The following RASAL3 variants were observed in gnomAD, a reference collection of about 807,000 sequenced individuals.
The protein encoded by RASAL3 is RAS protein activator like-3.
A neutral mutation model predicts 105.5 loss-of-function variants in RASAL3; 74 were observed. The ratio of observed to expected loss-of-function variants is 0.70; its 90% confidence interval spans 0.58 to 0.85. The LOEUF (loss-of-function observed/expected upper bound fraction) is 0.85. Ranked by LOEUF, RASAL3 falls within the 40% of genes least tolerant of loss-of-function variation. The probability of loss-of-function intolerance (pLI) is 0.00; values close to 1 mark genes in which losing one functional copy is unlikely to be tolerated. For missense variants in RASAL3, 1,352 were observed against 1,392.0 expected, an observed-to-expected ratio of 0.97 and a Z score of 0.46; for synonymous variants, 579 against 591.6, an observed-to-expected ratio of 0.98 and a Z score of 0.31.
chr19:15,462,055 T>TA (rs1346026425), intron 2 of RASAL3, among the ~76,000 whole-genome samples: 1 of 152,076 alleles, frequency 6.6e-6, no homozygotes, highest in Admixed American at 6.6e-5. Flanking sequence ...TCCAAGAGGT[T>TA]AAAAAACAGG....
intron 2 of RASAL3, among the ~76,000 whole-genome samples, chr19:15,463,102 T>C (rs974524038): frequency 4.4e-4 from 67 of 151,190 alleles, no homozygotes; most frequent in African/African-American, 1.6e-3. Flanking sequence ...TTTTCTTCCA[T>C]TGAGATGGAG....
rs779795833 is a variant in RASAL3 at position 15,461,295 on chromosome 19, C to G, written c.467G>C (p.Gly156Ala). 3.1e-6 allele frequency: 5 copies of G among 1,612,940 alleles called. No individual in the cohort carries two copies. The East Asian group carries it at 1.1e-4, about 36-fold the overall frequency. ...KLVLLGGEEE[G>A]PRRPRVGSAS... ...ACTTCCCACCCGGGGCCTTCGAGGA[C>G]CCTGTTCTCCCGCAGGAGTGGGTAG... is the stretch of plus-strand genomic sequence containing the variant. Residue 156 changes from glycine to alanine, a missense_variant and splice_region_variant, in exon 4 of 18, where the codon GGT (glycine) becomes GCT (alanine). By Grantham distance (60) the Gly-to-Ala change is moderately conservative. Transcript: ENST00000343625.
chr19:15,457,145 G>A lies in RASAL3; in HGVS notation c.1431+147C>T, dbSNP rs1238265053. The A allele has an allele frequency of 1.5e-6, 1 of 668,600 alleles. No individual in the cohort carries two copies. The highest frequency in any genetic ancestry group is 2.1e-6 in the Non-Finnish European group (1 of 469,274). 41.4% of individuals were successfully genotyped at this position (668,600 alleles called of 1,614,324 possible). A position where few individuals can be genotyped will look rare whatever the true frequency, so the allele number is the denominator to read the frequency against. ...CCTTCTAGGTGCCCCGCCGCTTACA[G>A]GTGACACTTGGACCACGCCCCTCAC... On this transcript the variant is annotated intron_variant, in intron 9 of 17. Transcript: ENST00000343625. This position sits in a 1 kb window ranked among gnomAD's most constrained non-coding sequence, Gnocchi z 8.6.
chr19:15,456,974 A>C lies in RASAL3; in HGVS notation c.1431+318T>G, dbSNP rs1471952498. On this transcript the variant is annotated intron_variant, in intron 9 of 17. Transcript: ENST00000343625. The surrounding 1 kb of genome is among the most constrained non-coding windows in gnomAD (Gnocchi z 4.4). ...ATTAGGCCCCGCCCCTCACAGCTGA[A>C]GCTCAGGCCCAGTCCTTCAAGGTGC... is the stretch of plus-strand genomic sequence containing the variant. 7 of 458,984 alleles carry C rather than the reference A, an allele frequency of 1.5e-5. No individual in the cohort carries two copies. Among genetic ancestry groups the C allele is most frequent in the East Asian group, 1.1e-4 (3 of 26,390 alleles). 28.4% of individuals were successfully genotyped at this position (458,984 alleles called of 1,614,324 possible).
At position 15,461,551 on chromosome 19, in the gene RASAL3, TG is replaced by T; in HGVS notation, c.384del (p.Thr129HisfsTer80). 2.0e-6 allele frequency: 3 copies of T among 1,535,396 alleles called. No homozygotes were observed. The highest frequency in any genetic ancestry group is 2.6e-6 in the Non-Finnish European group (3 of 1,145,262). ...ATGTCCCAGACAGGCACGTTGGGTGTGGGGGCCTCAGGGATCTGTGGGGTAG... is the reference window on the plus strand; with the variant it reads ...ATGTCCCAGACAGGCACGTTGGGTGTGGGGCCTCAGGGATCTGTGGGGTAG... ...EPPTPQIPEA[P>X]TPNVPVWDIG... is the part of the protein sequence containing the mutation. On this transcript the variant is annotated frameshift_variant, in exon 3 of 18. Coordinates refer to ENST00000343625, the MANE Select transcript of RASAL3 (RefSeq NM_022904.3). LOFTEE classifies it high-confidence loss of function.
rs148980344 is a variant in RASAL3, at chr19:15,457,227, C to G, written c.1431+65G>C. ...GCAACTCAGGTCCTGCGCCCCAACTCCTGCCCGAAGCGCGTTATCGGTCTA... is the reference window on the plus strand; with the variant it reads ...GCAACTCAGGTCCTGCGCCCCAACTGCTGCCCGAAGCGCGTTATCGGTCTA... On this transcript the variant is annotated intron_variant, in intron 9 of 17. Transcript: ENST00000343625. This position sits in a 1 kb window ranked among gnomAD's most constrained non-coding sequence, Gnocchi z 8.6. The G allele has an allele frequency of 8.3e-7, 1 of 1,211,280 alleles. No homozygotes were observed. 75.0% of individuals were successfully genotyped at this position (1,211,280 alleles called of 1,614,324 possible). A position where few individuals can be genotyped will look rare whatever the true frequency, so the allele number is the denominator to read the frequency against.
chr19:15,452,714 C>T lies in RASAL3; in HGVS notation c.2772G>A (p.Glu924=). The T allele has an allele frequency of 6.4e-7, 1 of 1,554,468 alleles. No homozygotes were observed. Among genetic ancestry groups the T allele is most frequent in the Non-Finnish European group, 8.7e-7 (1 of 1,148,792 alleles). The change falls in exon 16 of 18, where the codon GAG becomes GAA. Residue 924 remains glutamate (E), a synonymous_variant. Coordinates refer to ENST00000343625, the MANE Select transcript of RASAL3 (RefSeq NM_022904.3). ...GCTGGCCCCGCAGCTGCTCCTGCTG[C>T]TCCGTCAAGGCCCGGATTTGGGTGC... ...SLSTQIRALT[E]QQEQLRGQLQ...
chr19:15,456,041 C>A lies in RASAL3; in HGVS notation c.1721+63G>T, dbSNP rs1970304156. On this transcript the variant is annotated intron_variant, in intron 11 of 17. Transcript: ENST00000343625. This position sits in a 1 kb window ranked among gnomAD's most constrained non-coding sequence, Gnocchi z 4.4. Reference sequence around the variant, plus strand: ...CTGTATTTTATCTGGCCACCCTAAACTGGAGGTCGGGGCTAGCATGGTAAG... The same window carrying A: ...CTGTATTTTATCTGGCCACCCTAAAATGGAGGTCGGGGCTAGCATGGTAAG... 1.9e-6 allele frequency: 3 copies of A among 1,565,988 alleles called. No homozygotes were observed. Among genetic ancestry groups the A allele is most frequent in the Non-Finnish European group, 2.6e-6 (3 of 1,148,120 alleles).
At chr19:15,452,237 G>A (rs1970173985) in intron 16 of RASAL3, 129 bp from the exon 17 acceptor site, 4 of 862,660 alleles carry the variant, frequency 4.6e-6, no homozygotes, top group Admixed American at 3.7e-5. Context: ...ACTGAGGGGC[G>A]GGGCCTAAAT....
Position 15,458,360 on chromosome 19 carries a change from C to G in RASAL3, c.856G>C (p.Glu286Gln). 1 of 1,613,824 alleles carries G rather than the reference C, an allele frequency of 6.2e-7. No homozygotes were observed. The highest frequency in any genetic ancestry group is 2.2e-5 in the East Asian group (1 of 44,870). ...GGCTGGAATTGGCGACGAAGGTCCT[C>G]GATCCAGCGGTCTCTCTCAGCGGCC... Reference protein sequence around the residue: ...RSAAERDRWIEDLRRQFQPTQ... With the variant: ...RSAAERDRWIQDLRRQFQPTQ... The change falls in exon 8 of 18, where the codon GAG (glutamate) becomes CAG (glutamine). Residue 286 changes from glutamate (E) to glutamine (Q), a missense_variant. Around this residue, in one of 3 missense-constraint regions of RASAL3, gnomAD observed 88 missense variants for 132.7 expected, o/e 0.66. Transcript: ENST00000343625.
chr19:15,452,961 C>T, intron 15 of RASAL3, 146 bp from the exon 16 acceptor site: 1 of 1,472,746 alleles, frequency 6.8e-7, no homozygotes, highest in Non-Finnish European at 9.2e-7. Context: ...GCTGGGGAGA[C>T]TGAAGCTCAG....
Position 15,453,502 on chromosome 19 carries a change from G to A in RASAL3, c.2280-5C>T, listed in dbSNP as rs1365796539. On this transcript the variant is annotated splice_polypyrimidine_tract_variant and splice_region_variant and intron_variant, in intron 14 of 17. Transcript: ENST00000343625. The surrounding 1 kb of genome is among the most constrained non-coding windows in gnomAD (Gnocchi z 4.2). ...GGCTTCTCCCCTGCGGAGAGGCTAG[G>A]GGTGGGATGGAGGATCTTAGACCCT... 3 of 1,518,028 alleles carry A rather than the reference G, an allele frequency of 2.0e-6. No homozygotes were observed. Among genetic ancestry groups the A allele is most frequent in the African/African-American group, 1.4e-5 (1 of 69,224 alleles). 94.0% of individuals were successfully genotyped at this position (1,518,028 alleles called of 1,614,324 possible).
At position 15,453,412 on chromosome 19, in the gene RASAL3, G is replaced by T; in HGVS notation, c.2365C>A (p.Arg789Ser). The change falls in exon 15 of 18, where the codon CGC becomes AGC. Residue 789 changes from arginine (R) to serine (S), a missense_variant. Physicochemically the swap from Arg to Ser is moderately radical, Grantham distance 110. Transcript: ENST00000343625. The surrounding 1 kb of genome is among the most constrained non-coding windows in gnomAD (Gnocchi z 4.2). ...CAACTCTCTGAGCGGCGAACGCTGC[G>T]CAGAGACTGGCTCTTGGAGATGAGA... is the stretch of plus-strand genomic sequence containing the variant. ...TPLISKSQSLRSVRRSESWAR... is the reference protein window; with the variant it reads ...TPLISKSQSLSSVRRSESWAR... The T allele has an allele frequency of 6.6e-7, 1 of 1,518,276 alleles. No homozygotes were observed. Among genetic ancestry groups the T allele is most frequent in the Non-Finnish European group, 8.7e-7 (1 of 1,144,508 alleles). The allele number at this position is 1,518,276 out of a possible 1,614,324, so 94.1% of individuals were successfully genotyped here. A position where few individuals can be genotyped will look rare whatever the true frequency, so the allele number is the denominator to read the frequency against.
chr19:15,454,755 G>A lies in RASAL3; in HGVS notation c.1860C>T (p.Pro620=). The change falls in exon 12 of 18, where the codon CCC becomes CCT. Residue 620 remains proline (P), a synonymous_variant. Coordinates refer to ENST00000343625, the MANE Select transcript of RASAL3 (RefSeq NM_022904.3). The part of the protein sequence containing the change: ...LRLLCPAILA[P]SLFGLAPDHP... ...GGTCTGGTGCCAAACCAAAGAGGCT[G>A]GGTGCCAGGATGGCAGGGCACAGGA... The A allele has an allele frequency of 1.9e-6, 3 of 1,607,070 alleles. No homozygotes were observed. Among genetic ancestry groups the A allele is most frequent in the Non-Finnish European group, 2.5e-6 (3 of 1,176,950 alleles).
Position 15,461,356 on chromosome 19 carries a change from A to T in RASAL3, c.466-60T>A, listed in dbSNP as rs561832737. The T allele has an allele frequency of 6.4e-6, 10 of 1,554,540 alleles. No individual in the cohort carries two copies. In the East Asian group the frequency reaches 2.3e-4, roughly 36 times the overall value. ...GAGGCAGGCAGGCAGGCAGGCAGGC[A>T]GACCGAGGGAGAGGCAGACACCTTC... On this transcript the variant is annotated intron_variant, in intron 3 of 17. Coordinates refer to ENST00000343625, the MANE Select transcript of RASAL3 (RefSeq NM_022904.3).
In RASAL3 at chr19:15,457,433, C is replaced by G; in HGVS notation, c.1290G>C (p.Glu430Asp). 8.4e-6 allele frequency: 12 copies of G among 1,431,036 alleles called. No individual in the cohort carries two copies. Among genetic ancestry groups the G allele is most frequent in the Non-Finnish European group, 1.1e-5 (12 of 1,094,400 alleles). 88.6% of individuals were successfully genotyped at this position (1,431,036 alleles called of 1,614,324 possible). Residue 430 changes from glutamate (E) to aspartate (D), a missense_variant, in exon 9 of 18, where the codon GAG becomes GAC. By Grantham distance (45) the Glu-to-Asp change is conservative. Transcript: ENST00000343625. The surrounding 1 kb of genome is among the most constrained non-coding windows in gnomAD (Gnocchi z 8.6). Reference protein sequence around the residue: ...RARRLRVLPSERYKELAEFLT... With the variant: ...RARRLRVLPSDRYKELAEFLT... ...GGAACTCCGCCAGCTCCTTGTAGCG[C>G]TCGGACGGCAGCACGCGCAGGCGAC...
intron 11 of RASAL3, among the ~76,000 whole-genome samples, chr19:15,455,525 C>G (rs1490308028): frequency 6.6e-6 from 1 of 152,142 alleles, no homozygotes; most frequent in Admixed American, 6.5e-5. Context: ...ACTGTGGTTA[C>G]AGGACAAGGA....
rs1020438052 is a variant in RASAL3 at position 15,454,874 on chromosome 19, C to T, written c.1741G>A (p.Gly581Ser). 5.1e-6 allele frequency: 8 copies of T among 1,563,174 alleles called. No homozygotes were observed. The African/African-American group carries it at 1.1e-4, about 21-fold the overall frequency. Residue 581 changes from glycine (G) to serine (S), a missense_variant, in exon 12 of 18, where the codon GGC (glycine) becomes AGC (serine). Transcript: ENST00000343625. ...TCTCGCCAGCTTGAGAACACGATGC[C>T]CAGCTCCGCAGGGAACCAGCTGGTG... ...HSYDWFPAEL[G>S]IVFSSWREAC...
At chr19:15,458,273 G>A (rs1970392166) in intron 8 of RASAL3, 55 bp downstream of exon 8, 1 of 1,530,644 alleles carries the variant, frequency 6.5e-7, no homozygotes, top group African/African-American at 1.4e-5. Flanking sequence ...AGTGGAAGGG[G>A]CGGGCCAGGC....
Sources: allele counts gnomAD v4.1 joint callset (sites outside exome capture counted in the v4.1 genomes callset), GRCh38; gene constraint gnomAD v4.1.1; regional missense constraint gnomAD v4.1.1; non-coding constraint Gnocchi (gnomAD v3.1); transcripts MANE v1.5; gene names NCBI Gene and HGNC (gene_info 2026-07-23, HGNC 2026-07-21).